The following PRELID2 variants were observed in gnomAD, a reference collection of about 807,000 sequenced individuals.
PRELID2 encodes the protein PRELI domain-containing protein 2.
PRELID2 carries 25 observed loss-of-function variants against 28.4 expected under a neutral mutation model. The observed-to-expected ratio is 0.88, with a 90% CI of 0.64 to 1.23. The LOEUF (loss-of-function observed/expected upper bound fraction) is 1.23. Ranked by LOEUF, PRELID2 falls within the 50% of genes most tolerant of loss-of-function variation. The probability of loss-of-function intolerance (pLI) is 0.00; values close to 1 mark genes in which losing one functional copy is unlikely to be tolerated. For synonymous variants in PRELID2, 76 were observed against 71.6 expected, an observed-to-expected ratio of 1.06 and a Z score of -0.31; for missense variants, 201 against 214.4, an observed-to-expected ratio of 0.94 and a Z score of 0.39.
intron 5 of PRELID2, among the ~76,000 whole-genome samples, chr5:145,775,704 T>C (rs1008621328): frequency 6.6e-6 from 1 of 152,180 alleles, no homozygotes; most frequent in Non-Finnish European, 1.5e-5. Flanking sequence ...AACAAAGTCA[T>C]CATTTCTTGG....
intron 1 of PRELID2, among the ~76,000 whole-genome samples, chr5:145,707,386 A>T (rs1406518961): frequency 6.6e-6 from 1 of 152,210 alleles, no homozygotes; most frequent in African/African-American, 2.4e-5. Flanking sequence ...TGAGTGCGCC[A>T]GTAATGTCGG....
chr5:145,599,455 G>A (rs1239313206), intron 1 of PRELID2, among the ~76,000 whole-genome samples: 1 of 152,062 alleles, frequency 6.6e-6, no homozygotes, highest in Non-Finnish European at 1.5e-5. Context: ...CTTTCTTAAG[G>A]CTTTTTGTAT....
At chr5:145,461,219 A>G in the PRELID2 span, among the ~76,000 whole-genome samples, 1 of 152,254 alleles carries the variant, frequency 6.6e-6, no homozygotes, top group Non-Finnish European at 1.5e-5. Flanking sequence ...ATAGATAATA[A>G]GCAGCAATAT....
the PRELID2 span, among the ~76,000 whole-genome samples, chr5:145,409,158 C>A: frequency 6.6e-6 from 1 of 152,058 alleles, no homozygotes; most frequent in African/African-American, 2.4e-5. Context: ...CTTTTTCAGA[C>A]AAACAAATGC....
chr5:145,809,036 C>CTTTTTTTTTTT (rs372516210), intron 4 of PRELID2, among the ~76,000 whole-genome samples: 33 of 105,790 alleles, frequency 3.1e-4, no homozygotes, highest in Non-Finnish European at 4.5e-4. Flanking sequence ...TTTTTTTTTG[C>CTTTTTTTTTTT]TTTTTTTTTT....
Position 145,808,429 on chromosome 5 carries a change from T to C in PRELID2, c.368+9465A>G, listed in dbSNP as rs144943944. ...ATATGCCCAATTAGCCCTCAGCACATGCAAATTATACTATTTGTGATTTTT... is the reference window on the plus strand; with the variant it reads ...ATATGCCCAATTAGCCCTCAGCACACGCAAATTATACTATTTGTGATTTTT... On this transcript the variant is annotated intron_variant, in intron 4 of 6. Transcript: ENST00000683046. 1.4e-4 allele frequency among the ~76,000 whole-genome samples: 22 copies of C among 152,262 alleles called. No individual in the cohort carries two copies. In the South Asian group the frequency reaches 3.7e-3, roughly 26 times the overall value.
chr5:145,597,263 A>C (rs1753321709), intron 1 of PRELID2, among the ~76,000 whole-genome samples: 1 of 152,202 alleles, frequency 6.6e-6, no homozygotes, highest in Non-Finnish European at 1.5e-5. Flanking sequence ...TGTACTATTT[A>C]GTGCCCGAAT....
At chr5:145,671,014 T>C (rs1754695695) in intron 1 of PRELID2, among the ~76,000 whole-genome samples, 1 of 152,150 alleles carries the variant, frequency 6.6e-6, no homozygotes, top group Non-Finnish European at 1.5e-5. Context: ...ATGGGGATAA[T>C]GATATTGATT....
intron 1 of PRELID2, among the ~76,000 whole-genome samples, chr5:145,526,492 G>T (rs1752606374): frequency 6.6e-6 from 1 of 152,180 alleles, no homozygotes. Flanking sequence ...AGCAAGCTGG[G>T]CCAGGCCATG....
intron 5 of PRELID2, among the ~76,000 whole-genome samples, chr5:145,765,893 G>A (rs890036661): frequency 3.9e-5 from 6 of 152,088 alleles, no homozygotes; most frequent in Non-Finnish European, 5.9e-5. Context: ...TAATTTCCCC[G>A]AAGTTACACA....
intron 1 of PRELID2, among the ~76,000 whole-genome samples, chr5:145,627,424 G>A (rs1200013123): frequency 1.3e-5 from 2 of 152,020 alleles, no homozygotes; most frequent in East Asian, 1.9e-4. Context: ...TACATTAAAA[G>A]TCCAGACTTC....
chr5:145,829,447 C>G (rs1410439974), intron 1 of PRELID2, among the ~76,000 whole-genome samples: 1 of 152,110 alleles, frequency 6.6e-6, no homozygotes, highest in Admixed American at 6.5e-5. Context: ...TATCATTATT[C>G]AACAAGTACT....
chr5:145,438,457 T>C, the PRELID2 span, among the ~76,000 whole-genome samples: 15 of 152,238 alleles, frequency 9.9e-5, no homozygotes, highest in African/African-American at 3.6e-4. Context: ...TCCCACTCCA[T>C]GGGCAACCCT....
the PRELID2 span, among the ~76,000 whole-genome samples, chr5:145,233,717 G>A: frequency 6.6e-6 from 1 of 152,016 alleles, no homozygotes; most frequent in African/African-American, 2.4e-5. Context: ...AGTAAACATC[G>A]TTTCTATTGC....
chr5:145,717,305 T>C (rs2149714613), intron 1 of PRELID2, among the ~76,000 whole-genome samples: 1 of 152,152 alleles, frequency 6.6e-6, no homozygotes. Flanking sequence ...TGAGGTTTCT[T>C]TGAGGGTGAT....
At chr5:145,802,022 T>G (rs1753173437) in intron 4 of PRELID2, among the ~76,000 whole-genome samples, 1 of 152,196 alleles carries the variant, frequency 6.6e-6, no homozygotes, top group South Asian at 2.1e-4. Flanking sequence ...AAAGTCAACT[T>G]CCTAAGCACA....
rs557836775 is a variant in PRELID2, at chr5:145,807,134, T to C, written c.369-10587A>G. Among the ~76,000 whole-genome samples the C allele has an allele frequency of 5.3e-5, 8 of 152,346 alleles. No homozygotes were observed. In the South Asian group the frequency reaches 1.7e-3, roughly 32 times the overall value. On this transcript the variant is annotated intron_variant, in intron 4 of 6. Coordinates refer to ENST00000683046, the MANE Select transcript of PRELID2 (RefSeq NM_205846.3). ...ACATGAGTAATGCATCACGCTATGA[T>C]ATTAAGATGACTATGACGTTACTAG...
At chr5:145,409,429 C>T in the PRELID2 span, among the ~76,000 whole-genome samples, 3 of 152,022 alleles carry the variant, frequency 2.0e-5, no homozygotes, top group African/African-American at 7.2e-5. Context: ...TACAGAATTG[C>T]AGAATGGATA....
At chr5:145,241,739 C>T in the PRELID2 span, among the ~76,000 whole-genome samples, 41 of 151,988 alleles carry the variant, frequency 2.7e-4, no homozygotes, top group Admixed American at 1.6e-3. Flanking sequence ...CTCCAGGCTA[C>T]AGAGGTTAAT....
Sources: gnomAD v4.1 joint callset for allele counts (sites outside exome capture counted in the v4.1 genomes callset) on GRCh38, gnomAD v4.1.1 for gene constraint, MANE v1.5 for transcripts, NCBI Gene and HGNC (gene_info 2026-07-23, HGNC 2026-07-21) for gene names.